Variants in TLR6 observed in about 807,000 individuals in gnomAD.
TLR6 encodes the protein toll like receptor 6, also known as toll-like receptor 6.
Under a neutral mutation model 16.1 loss-of-function variants are expected in TLR6, and 9 were observed. That is an observed-to-expected ratio of 0.56 (90% CI 0.34 to 0.98). The LOEUF (loss-of-function observed/expected upper bound fraction) is 0.98. Among genes scored for constraint, TLR6 ranks in the 50% least tolerant of loss-of-function variants. The pLI, the probability that TLR6 is intolerant of heterozygous loss-of-function variation, is 0.02. For missense variants in TLR6, 786 were observed against 921.0 expected, an observed-to-expected ratio of 0.85 and a Z score of 1.90; for synonymous variants, 340 against 338.6, an observed-to-expected ratio of 1.00 and a Z score of -0.04.
chr4:38,844,757 A>T (rs963029792), intron 1 of TLR6, among the ~76,000 whole-genome samples: 5 of 152,224 alleles, frequency 3.3e-5, no homozygotes, highest in African/African-American at 7.2e-5. Flanking sequence ...AATCACATTT[A>T]AAAATGTTCT....
chr4:38,855,043 T>TA (rs546122194), intron 1 of TLR6, among the ~76,000 whole-genome samples: 10 of 149,892 alleles, frequency 6.7e-5, no homozygotes, highest in South Asian at 2.1e-4. Flanking sequence ...CCGTCTCTAC[T>TA]AAAAAAAAAT....
upstream of TLR6, among the ~76,000 whole-genome samples, chr4:38,859,617 T>C (rs1713153616): frequency 7.1e-6 from 1 of 141,588 alleles, no homozygotes; most frequent in South Asian, 2.2e-4. Context: ...CAGGGTGGAG[T>C]GCAGTGGCGT....
At chr4:38,858,844 A>AGAGG (rs1560274677), upstream of TLR6, among the ~76,000 whole-genome samples, 2 of 91,292 alleles carry the variant, frequency 2.2e-5, no homozygotes, top group African/African-American at 5.1e-5. Flanking sequence ...AGAAAGAAAG[A>AGAGG]AAGAAAGAAA....
intron 1 of TLR6, among the ~76,000 whole-genome samples, chr4:38,845,895 C>A (rs1033998843): frequency 2.6e-5 from 4 of 151,850 alleles, no homozygotes; most frequent in African/African-American, 9.7e-5. Flanking sequence ...AGTTCGAGAC[C>A]AGCCTGGCCA....
At chr4:38,847,191 A>G (rs571640665) in intron 1 of TLR6, among the ~76,000 whole-genome samples, 182 of 152,340 alleles carry the variant, frequency 1.2e-3, no homozygotes, top group African/African-American at 4.3e-3. Flanking sequence ...AGGTATTTAA[A>G]AAATACTTTG....
chr4:38,856,308 A>T (rs1254400045), intron 1 of TLR6, among the ~76,000 whole-genome samples: 1 of 152,244 alleles, frequency 6.6e-6, no homozygotes, highest in African/African-American at 2.4e-5. Flanking sequence ...TTAGGGACAG[A>T]CACAGACCAG....
chr4:38,827,899 T>G, exon 2 of TLR6: 1 of 1,614,220 alleles, frequency 6.2e-7, no homozygotes, highest in South Asian at 1.1e-5. Flanking sequence ...TGTCCCCTGC[T>G]TTTATTGACC....
chr4:38,843,494 C>T (rs1304962168), intron 1 of TLR6: 3 of 152,170 alleles, frequency 2.0e-5, no homozygotes, highest in Non-Finnish European at 4.4e-5. Flanking sequence ...TACAAAGGGT[C>T]CACTTTTCAC....
chr4:38,824,295 A>G (rs1316067460), exon 2 of TLR6: 1 of 152,292 alleles, frequency 6.6e-6, no homozygotes, highest in Non-Finnish European at 1.5e-5. Flanking sequence ...AGAGGAGAGA[A>G]GAAGAAGATG....
rs912975541 is a variant in TLR6 at position 38,824,145 on chromosome 4, A to C, written c.*2938T>G. 1.3e-4 allele frequency: 19 copies of C among 145,974 alleles called. 1 individual carries two copies. 9.0% of individuals were successfully genotyped at this position (145,974 alleles called of 1,614,324 possible). ...CCAGGACTTCATGGACATTTCCCGC[A>C]TGGGACCGTTTCAGAGTCATTTGCT... On this transcript the variant is annotated 3_prime_UTR_variant, in exon 2 of 2. Coordinates refer to ENST00000436693, the Ensembl canonical transcript of TLR6.
At chr4:38,864,841 G>A in the TLR6 span, among the ~76,000 whole-genome samples, 2 of 152,110 alleles carry the variant, frequency 1.3e-5, no homozygotes, top group South Asian at 2.1e-4. Flanking sequence ...GCAAGACCAC[G>A]ACTCTACAAA....
chr4:38,868,070 T>TGA, the TLR6 span: 1 of 413,194 alleles, frequency 2.4e-6, no homozygotes, highest in South Asian at 1.7e-5. Flanking sequence ...TGTGTGTGTG[T>TGA]GAGTGTGTGT....
At chr4:38,845,646 G>A (rs1177446565) in intron 1 of TLR6, among the ~76,000 whole-genome samples, 1 of 152,214 alleles carries the variant, frequency 6.6e-6, no homozygotes, top group Non-Finnish European at 1.5e-5. Flanking sequence ...CCCTCCTAGA[G>A]CCTCCAGAAA....
upstream of TLR6, among the ~76,000 whole-genome samples, chr4:38,861,751 C>T (rs577134787): frequency 7.2e-5 from 11 of 152,294 alleles, no homozygotes; most frequent in East Asian, 1.9e-3. Context: ...CACACCTCCT[C>T]TTGTCTCTTT....
At chr4:38,835,550 T>C (rs916661502) in intron 1 of TLR6, among the ~76,000 whole-genome samples, 4 of 152,142 alleles carry the variant, frequency 2.6e-5, no homozygotes, top group African/African-American at 7.2e-5. Context: ...ACTCTCAGCA[T>C]TGAACAGATC....
chr4:38,851,947 G>A (rs1416824233), intron 1 of TLR6, among the ~76,000 whole-genome samples: 1 of 152,158 alleles, frequency 6.6e-6, no homozygotes, highest in Non-Finnish European at 1.5e-5. Flanking sequence ...AAAGAACAAA[G>A]CTGGAGGCAT....
intron 1 of TLR6, among the ~76,000 whole-genome samples, chr4:38,848,491 A>G (rs547699990): frequency 2.0e-5 from 3 of 152,358 alleles, no homozygotes; most frequent in African/African-American, 7.2e-5. Flanking sequence ...CAACTAAAGG[A>G]GGAAGTTCGA....
chr4:38,867,612 G>A, the TLR6 span: 6 of 151,934 alleles, frequency 3.9e-5, no homozygotes, highest in African/African-American at 1.4e-4. Context: ...CTGGCACAGG[G>A]GTGGGACAAG....
At position 38,829,092 on chromosome 4, in the gene TLR6, G is replaced by C. The variant is rs137853178; in HGVS notation, c.382C>G (p.Leu128Val). ...AGGGCCTTGAAATCATTGAATGAGA[G>C]ATCTAAATGCCTGAAACTCACAATA... The change falls in exon 2 of 2, where the codon CTC (leucine) becomes GTC (valine). Residue 128 changes from leucine (L) to valine (V), a missense_variant. Coordinates refer to ENST00000436693, the Ensembl canonical transcript of TLR6. 1.6e-4 allele frequency: 263 copies of C among 1,614,118 alleles called. No individual in the cohort carries two copies. The East Asian group carries it at 5.7e-3, about 35-fold the overall frequency.
Sources: gnomAD v4.1 joint callset for allele counts (sites outside exome capture counted in the v4.1 genomes callset) on GRCh38, gnomAD v4.1.1 for gene constraint, MANE v1.5 for transcripts, NCBI Gene and HGNC (gene_info 2026-07-23, HGNC 2026-07-21) for gene names.